DIAPH3: variants seen among roughly 807,000 people sequenced by gnomAD.
DIAPH3 encodes diaphanous related formin 3.
In DIAPH3, 117 loss-of-function variants were observed where a neutral mutation model predicts 144.3. That is an observed-to-expected ratio of 0.81 (90% confidence interval 0.70 to 0.95). The LOEUF is 0.95. Among genes scored for constraint, DIAPH3 ranks in the 40% least tolerant of loss-of-function variants. The pLI is 0.00. For synonymous variants in DIAPH3, 519 were observed against 488.9 expected, an observed-to-expected ratio of 1.06 and a Z score of -0.81; for missense variants, 1,421 against 1,412.7, an observed-to-expected ratio of 1.01 and a Z score of -0.09.
chr13:60,052,637 C>T (rs1197889914), intron 4 of DIAPH3, among the ~76,000 whole-genome samples: 1 of 152,056 alleles, frequency 6.6e-6, no homozygotes, highest in Non-Finnish European at 1.5e-5. Context: ...AACACCAATT[C>T]TTTGCAAAGT....
chr13:59,848,324 T>TTTTTAA (rs1555315118), intron 22 of DIAPH3, among the ~76,000 whole-genome samples: 1 of 149,074 alleles, frequency 6.7e-6, no homozygotes, highest in Non-Finnish European at 1.5e-5. Flanking sequence ...TTTTTTTTTT[T>TTTTTAA]AATTATTATA....
chr13:60,114,185 G>T (rs1209814064), intron 2 of DIAPH3, among the ~76,000 whole-genome samples: 1 of 127,140 alleles, frequency 7.9e-6, no homozygotes, highest in Non-Finnish European at 1.7e-5. Flanking sequence ...ACCCTAAAAT[G>T]GGCATTTTTT....
chr13:60,130,492 G>A (rs2059111320), intron 2 of DIAPH3, among the ~76,000 whole-genome samples: 1 of 152,110 alleles, frequency 6.6e-6, no homozygotes, highest in Non-Finnish European at 1.5e-5. Flanking sequence ...CCAGGCAAGC[G>A]GTCAGAAAGA....
In DIAPH3 at chr13:59,666,622, C is replaced by CG. The variant is rs756660986; in HGVS notation, c.3543dup (p.Glu1182ArgfsTer3). On this transcript the variant is annotated frameshift_variant, in exon 28 of 28. Transcript: ENST00000400324. LOFTEE classifies it high-confidence loss of function. ...AATCTTGCCAGCAGGGCTTCAACTT[C>CG]GGGAACTGATTCATTTTTAGAAAAA... The CG allele has an allele frequency of 2.2e-5, 35 of 1,613,966 alleles. No individual in the cohort carries two copies. The East Asian group carries it at 7.8e-4, about 36-fold the overall frequency.
intron 17 of DIAPH3, among the ~76,000 whole-genome samples, chr13:59,948,253 A>G (rs1021465829): frequency 2.0e-5 from 3 of 152,152 alleles, no homozygotes; most frequent in Admixed American, 6.5e-5. Flanking sequence ...TTTATTTTCC[A>G]TTATTTCATC....
chr13:59,945,101 A>G (rs986576868), intron 17 of DIAPH3, among the ~76,000 whole-genome samples: 1 of 152,068 alleles, frequency 6.6e-6, no homozygotes, highest in Non-Finnish European at 1.5e-5. Context: ...TCATGCTTCA[A>G]AACAACTCAA....
At chr13:59,838,586 TA>T (rs2139761570) in intron 23 of DIAPH3, 2 of 152,328 alleles carry the variant, frequency 1.3e-5, no homozygotes, top group South Asian at 4.1e-4. Context: ...TTCTTGAAGT[TA>T]AGCTGACTAG....
chr13:60,127,960 A>C (rs2059032088), intron 2 of DIAPH3, among the ~76,000 whole-genome samples: 1 of 152,082 alleles, frequency 6.6e-6, no homozygotes, highest in Admixed American at 6.6e-5. Flanking sequence ...TATATAGATA[A>C]ACTCATGTCA....
At chr13:60,082,433 T>G (rs748974979) in intron 4 of DIAPH3, among the ~76,000 whole-genome samples, 24 of 151,594 alleles carry the variant, frequency 1.6e-4, no homozygotes, top group Non-Finnish European at 3.5e-4. Flanking sequence ...AAGAGCATAC[T>G]GCATACTTGA....
At chr13:60,150,172 C>G (rs116562539) in intron 1 of DIAPH3, among the ~76,000 whole-genome samples, 2 of 152,088 alleles carry the variant, frequency 1.3e-5, no homozygotes, top group Admixed American at 6.5e-5. Flanking sequence ...CAGAAATGCA[C>G]CACCACGCCA....
At chr13:59,884,105 C>G (rs1331520031) in intron 20 of DIAPH3, among the ~76,000 whole-genome samples, 1 of 152,126 alleles carries the variant, frequency 6.6e-6, no homozygotes, top group Non-Finnish European at 1.5e-5. Context: ...ACCACCTGAG[C>G]TTGACCTCCT....
At chr13:59,933,659 T>C (rs998629406) in intron 17 of DIAPH3, among the ~76,000 whole-genome samples, 4 of 152,200 alleles carry the variant, frequency 2.6e-5, no homozygotes, top group Admixed American at 2.0e-4. Context: ...AAGGCTCCAT[T>C]TTTCCAAGAG....
intron 5 of DIAPH3, among the ~76,000 whole-genome samples, chr13:60,027,511 G>C (rs1005870570): frequency 6.6e-6 from 1 of 152,060 alleles, no homozygotes; most frequent in East Asian, 1.9e-4. Flanking sequence ...AATATCTAGA[G>C]AAAGCATTCC....
At chr13:59,996,255 T>C (rs1355241774) in intron 9 of DIAPH3, among the ~76,000 whole-genome samples, 1 of 152,052 alleles carries the variant, frequency 6.6e-6, no homozygotes, top group Admixed American at 6.6e-5. Context: ...CTGTAAAATA[T>C]TCTCCTCTTT....
At chr13:59,806,914 T>TGCC (rs2139524039) in intron 25 of DIAPH3, among the ~76,000 whole-genome samples, 1 of 151,952 alleles carries the variant, frequency 6.6e-6, no homozygotes, top group East Asian at 1.9e-4. Flanking sequence ...AACTGATATT[T>TGCC]AACATATTTT....
chr13:60,020,856 A>G (rs1394231753), intron 5 of DIAPH3: 5 of 152,266 alleles, frequency 3.3e-5, no homozygotes, highest in African/African-American at 1.2e-4. Flanking sequence ...AGAAGGTACA[A>G]TATCTACCTC....
At chr13:59,961,444 G>A (rs1423493684) in intron 17 of DIAPH3, among the ~76,000 whole-genome samples, 1 of 152,168 alleles carries the variant, frequency 6.6e-6, no homozygotes, top group Non-Finnish European at 1.5e-5. Flanking sequence ...ACACAGCATG[G>A]TGTTAGTATT....
intron 2 of DIAPH3, among the ~76,000 whole-genome samples, chr13:60,119,405 C>T (rs1196701492): frequency 6.6e-6 from 1 of 152,166 alleles, no homozygotes; most frequent in Non-Finnish European, 1.5e-5. Flanking sequence ...AACCCAGAAC[C>T]ACCCAGCTAA....
chr13:59,908,947 C>G (rs1376933817), intron 20 of DIAPH3, among the ~76,000 whole-genome samples: 1 of 152,100 alleles, frequency 6.6e-6, no homozygotes, highest in East Asian at 1.9e-4. Flanking sequence ...TTTCTTATAT[C>G]TAACTGTGTG....
Sources: gnomAD v4.1 joint callset for allele counts (sites outside exome capture counted in the v4.1 genomes callset) on GRCh38, gnomAD v4.1.1 for gene constraint, MANE v1.5 for transcripts, NCBI Gene and HGNC (gene_info 2026-07-23, HGNC 2026-07-21) for gene names.